The following IPO11 variants were observed in gnomAD, a reference collection of about 807,000 sequenced individuals.
The protein encoded by IPO11 is importin-11.
In IPO11, 66 loss-of-function variants were observed where a neutral mutation model predicts 143.2. That is an observed-to-expected ratio of 0.46 (90% CI 0.38 to 0.57). The LOEUF is 0.57. Among genes scored for constraint, IPO11 ranks in the 20% least tolerant of loss-of-function variants. The probability of loss-of-function intolerance (pLI) is 0.00; values close to 1 mark genes in which losing one functional copy is unlikely to be tolerated. For missense variants in IPO11, 1,026 were observed against 1,141.0 expected, an observed-to-expected ratio of 0.90 and a Z score of 1.45; for synonymous variants, 385 against 377.8, an observed-to-expected ratio of 1.02 and a Z score of -0.22.
chr5:62,474,071 G>A (rs1561325381), intron 7 of IPO11, among the ~76,000 whole-genome samples: 1 of 152,160 alleles, frequency 6.6e-6, no homozygotes, highest in East Asian at 1.9e-4. Context: ...AAATGGACAA[G>A]TGCAGTATTT....
At chr5:62,471,160 A>C (rs1172967845) in intron 7 of IPO11, among the ~76,000 whole-genome samples, 1 of 150,674 alleles carries the variant, frequency 6.6e-6, no homozygotes, top group African/African-American at 2.4e-5. Context: ...AAAATAAATG[A>C]AATGGCATTT....
intron 11 of IPO11, 150 bp downstream of exon 11, chr5:62,484,312 C>A: frequency 1.7e-6 from 1 of 584,962 alleles, no homozygotes; most frequent in Non-Finnish European, 2.7e-6. Flanking sequence ...TCGTTGTTAT[C>A]CATTAGAACA....
At chr5:62,553,317 C>CGT (rs1411409466) in intron 26 of IPO11, among the ~76,000 whole-genome samples, 3 of 128,862 alleles carry the variant, frequency 2.3e-5, no homozygotes, top group Non-Finnish European at 4.7e-5. Flanking sequence ...GAATAGTATT[C>CGT]GTGTGAGTGT....
chr5:62,552,103 G>A (rs968897272), intron 26 of IPO11, among the ~76,000 whole-genome samples: 6 of 151,970 alleles, frequency 3.9e-5, no homozygotes, highest in African/African-American at 1.2e-4. Context: ...CAGCCTGGGC[G>A]ACAGAGAGAA....
At chr5:62,548,192 T>C (rs543339735) in intron 24 of IPO11, among the ~76,000 whole-genome samples, 55 of 152,344 alleles carry the variant, frequency 3.6e-4, no homozygotes, top group African/African-American at 1.3e-3. Context: ...CTGTGATTAC[T>C]TCTCCTTTTC....
chr5:62,484,053 A>C lies in IPO11; in HGVS notation c.1065A>C (p.Ala355=). 6.2e-7 allele frequency: 1 copy of C among 1,609,388 alleles called. No individual in the cohort carries two copies. The highest frequency in any genetic ancestry group is 8.5e-7 in the Non-Finnish European group (1 of 1,178,474). Residue 355 remains alanine, a synonymous_variant, in exon 11 of 30, where the codon GCA becomes GCC. Transcript: ENST00000325324. The part of the protein sequence containing the change: ...ETLEAHKIKM[A]FFTYPTLTEI... Reference sequence around the variant, plus strand: ...TTGAAGCCCATAAGATTAAGATGGCATTCTTCACATATCCTACTTTGACAG... The same window carrying C: ...TTGAAGCCCATAAGATTAAGATGGCCTTCTTCACATATCCTACTTTGACAG...
At chr5:62,613,451 C>T (rs1261917940) in intron 29 of IPO11, among the ~76,000 whole-genome samples, 1 of 151,752 alleles carries the variant, frequency 6.6e-6, no homozygotes, top group African/African-American at 2.4e-5. Context: ...TACAGGTGCA[C>T]ACCACCACAC....
chr5:62,569,249 A>T (rs1427263028), intron 27 of IPO11, among the ~76,000 whole-genome samples: 1 of 151,988 alleles, frequency 6.6e-6, no homozygotes, highest in African/African-American at 2.4e-5. Context: ...TACTGCCTGG[A>T]TTTGGGATAG....
At chr5:62,436,548 T>C (rs965889382) in intron 1 of IPO11, among the ~76,000 whole-genome samples, 3 of 152,144 alleles carry the variant, frequency 2.0e-5, no homozygotes, top group African/African-American at 7.2e-5. Flanking sequence ...ATTTTGGGGG[T>C]GATTAGAAAC....
chr5:62,456,487 C>T (rs765328727), intron 5 of IPO11, among the ~76,000 whole-genome samples: 2 of 152,188 alleles, frequency 1.3e-5, no homozygotes, highest in East Asian at 1.9e-4. Flanking sequence ...ATGTGTAACA[C>T]ACAAAAGTAT....
intron 15 of IPO11, among the ~76,000 whole-genome samples, chr5:62,491,462 A>G (rs1580241869): frequency 6.6e-6 from 1 of 152,242 alleles, no homozygotes. Flanking sequence ...CCTAGAGGCT[A>G]TTTAGTGTAA....
intron 27 of IPO11, among the ~76,000 whole-genome samples, chr5:62,572,985 G>A (rs1466748532): frequency 1.3e-5 from 2 of 151,978 alleles, no homozygotes; most frequent in East Asian, 1.9e-4. Context: ...ACCTCCTATC[G>A]TAAATTATAT....
At chr5:62,545,665 A>G (rs952556221) in intron 24 of IPO11, among the ~76,000 whole-genome samples, 5 of 152,230 alleles carry the variant, frequency 3.3e-5, no homozygotes, top group African/African-American at 4.8e-5. Flanking sequence ...TGAACAGGCA[A>G]CCTACAGAAT....
chr5:62,566,662 C>T (rs1479948336), intron 27 of IPO11, among the ~76,000 whole-genome samples: 1 of 150,122 alleles, frequency 6.7e-6, no homozygotes, highest in African/African-American at 2.5e-5. Flanking sequence ...CACTTGAATC[C>T]AGGAGACAGA....
At chr5:62,516,320 G>A (rs571525280) in intron 20 of IPO11, among the ~76,000 whole-genome samples, 1 of 151,592 alleles carries the variant, frequency 6.6e-6, no homozygotes, top group Admixed American at 6.6e-5. Context: ...TTGAGACGGA[G>A]TCTCGCTCTG....
At chr5:62,620,209 C>G (rs572048529) in intron 29 of IPO11, among the ~76,000 whole-genome samples, 11 of 152,084 alleles carry the variant, frequency 7.2e-5, no homozygotes, top group African/African-American at 2.7e-4. Flanking sequence ...AGACGTGAGA[C>G]TTCAGTCACA....
chr5:62,559,312 G>A (rs1355716082), intron 26 of IPO11, among the ~76,000 whole-genome samples: 1 of 152,134 alleles, frequency 6.6e-6, no homozygotes, highest in African/African-American at 2.4e-5. Context: ...AATAAAAGAG[G>A]ATTGAAGCAA....
intron 3 of IPO11, chr5:62,443,379 TTGAGTG>T (rs759545656): frequency 4.1e-5 from 9 of 221,230 alleles, no homozygotes; most frequent in African/African-American, 2.7e-4. Context: ...GGTTTTCCAT[TTGAGTG>T]TGTGTGTGTG....
At chr5:62,551,542 T>G (rs1743391240) in intron 26 of IPO11, among the ~76,000 whole-genome samples, 1 of 152,216 alleles carries the variant, frequency 6.6e-6, no homozygotes, top group Non-Finnish European at 1.5e-5. Context: ...TTGTCCTCGC[T>G]CAAAATAGGT....
Sources: allele counts gnomAD v4.1 joint callset (sites outside exome capture counted in the v4.1 genomes callset), GRCh38; gene constraint gnomAD v4.1.1; transcripts MANE v1.5; gene names NCBI Gene and HGNC (gene_info 2026-07-23, HGNC 2026-07-21).